The following PHF14 variants were observed in gnomAD, a reference collection of about 807,000 sequenced individuals.
The protein encoded by PHF14 is PHD finger protein 14.
PHF14 carries 55 observed loss-of-function variants against 117.9 expected under a neutral mutation model. That is an observed-to-expected ratio of 0.47 (90% CI 0.38 to 0.58). PHF14 has a LOEUF of 0.58. PHF14 is among the 20% of genes least tolerant of loss of function. The pLI, the probability that PHF14 is intolerant of heterozygous loss-of-function variation, is 0.00. For synonymous variants in PHF14, 409 were observed against 368.6 expected (o/e 1.11, Z -1.26); for missense variants, 978 against 1,122.2 (o/e 0.87, Z 1.84).
intron 4 of PHF14, among the ~76,000 whole-genome samples, chr7:10,996,361 G>A (rs1782645092): frequency 6.6e-6 from 1 of 152,180 alleles, no homozygotes; most frequent in South Asian, 2.1e-4. Context: ...GCCTGAAGAT[G>A]TTATGCAAAG....
chr7:11,105,417 A>G, intron 16 of PHF14: 1 of 959,640 alleles, frequency 1.0e-6, no homozygotes. Context: ...AAAACTCACC[A>G]CTATTTTACT....
At chr7:11,023,839 AAAAG>A (rs1783820290) in intron 6 of PHF14, among the ~76,000 whole-genome samples, 1 of 152,206 alleles carries the variant, frequency 6.6e-6, no homozygotes. Context: ...AAAAAAAAGA[AAAAG>A]AAATTTGGCC....
chr7:11,085,934 T>G (rs908428479), intron 16 of PHF14, among the ~76,000 whole-genome samples: 4 of 152,208 alleles, frequency 2.6e-5, no homozygotes, highest in African/African-American at 9.7e-5. Context: ...TGGAGCCTAG[T>G]TATTTGGGTT....
intron 17 of PHF14, among the ~76,000 whole-genome samples, chr7:11,133,485 A>G (rs1420442687): frequency 6.6e-6 from 1 of 151,940 alleles, no homozygotes; most frequent in African/African-American, 2.4e-5. Context: ...TTAATGCAAA[A>G]TGGTTGGGCA....
chr7:11,015,957 T>A (rs1196271119), intron 5 of PHF14, among the ~76,000 whole-genome samples: 1 of 152,126 alleles, frequency 6.6e-6, no homozygotes, highest in African/African-American at 2.4e-5. Flanking sequence ...TTACTGTTTT[T>A]CTTGTTGATA....
chr7:11,086,351 T>A (rs1786409029), intron 16 of PHF14, among the ~76,000 whole-genome samples: 1 of 152,186 alleles, frequency 6.6e-6, no homozygotes, highest in Non-Finnish European at 1.5e-5. Context: ...GACCTAAATT[T>A]AGATCATCGC....
chr7:11,039,876 A>T (rs115429899), intron 11 of PHF14, among the ~76,000 whole-genome samples: 1,981 of 152,214 alleles, frequency 0.013, 42 homozygotes, highest in African/African-American at 0.045. Flanking sequence ...TTGGAAGATT[A>T]TGTTTTATAC....
At chr7:11,126,255 C>G (rs1011590707) in intron 17 of PHF14, among the ~76,000 whole-genome samples, 4 of 152,032 alleles carry the variant, frequency 2.6e-5, no homozygotes, top group African/African-American at 9.7e-5. Flanking sequence ...ATCTTAATGA[C>G]TCAATTTAAA....
intron 17 of PHF14, among the ~76,000 whole-genome samples, chr7:11,168,899 A>G (rs1296803945): frequency 2.6e-5 from 4 of 152,144 alleles, no homozygotes; most frequent in African/African-American, 9.7e-5. Flanking sequence ...GCCACCACTT[A>G]GAATTGAAAC....
intron 16 of PHF14, among the ~76,000 whole-genome samples, chr7:11,089,174 A>G (rs1407330649): frequency 2.6e-5 from 4 of 152,190 alleles, no homozygotes; most frequent in African/African-American, 7.2e-5. Context: ...AGGAGCAACC[A>G]TTGAGTAGGG....
intron 4 of PHF14, among the ~76,000 whole-genome samples, chr7:10,996,059 G>A (rs1782635934): frequency 6.6e-6 from 1 of 152,360 alleles, no homozygotes; most frequent in South Asian, 2.1e-4. Context: ...AGCGAGGGCT[G>A]TGAGGGCTGC....
intron 4 of PHF14, among the ~76,000 whole-genome samples, chr7:11,004,850 A>T (rs1196984949): frequency 6.6e-6 from 1 of 152,032 alleles, no homozygotes; most frequent in Non-Finnish European, 1.5e-5. Context: ...AGCTTGGTCA[A>T]CATGGTGAAA....
At chr7:11,036,352 G>A (rs1280400479) in intron 8 of PHF14, 66 bp from the exon 9 acceptor site, 18 of 1,319,424 alleles carry the variant, frequency 1.4e-5, no homozygotes, top group Non-Finnish European at 1.9e-5. Flanking sequence ...AAAAATCAAT[G>A]TAAAAATCTT....
intron 4 of PHF14, chr7:11,006,502 C>G (rs879569420): frequency 1.8e-6 from 1 of 557,070 alleles, no homozygotes; most frequent in Non-Finnish European, 3.5e-6. Context: ...GGTGTTGACA[C>G]CTTGGCCACA....
chr7:11,083,723 G>A (rs1183125391), intron 16 of PHF14, among the ~76,000 whole-genome samples: 1 of 152,012 alleles, frequency 6.6e-6, no homozygotes, highest in African/African-American at 2.4e-5. Flanking sequence ...GCCTCCCAAA[G>A]TGCTAGGAGT....
chr7:11,144,214 C>G (rs533730390), intron 17 of PHF14, among the ~76,000 whole-genome samples: 1 of 152,030 alleles, frequency 6.6e-6, no homozygotes, highest in South Asian at 2.1e-4. Flanking sequence ...CAAAAAATAG[C>G]AAATGGTAGC....
At chr7:11,151,746 CT>C (rs894105818) in intron 17 of PHF14, among the ~76,000 whole-genome samples, 1 of 152,072 alleles carries the variant, frequency 6.6e-6, no homozygotes, top group African/African-American at 2.4e-5. Flanking sequence ...TGTGATTCTT[CT>C]TCTTACAAAT....
rs1784018455 is a variant in PHF14 at position 11,028,837 on chromosome 7, A to G, written c.1455+19A>G. The G allele has an allele frequency of 8.7e-6, 14 of 1,608,412 alleles. No individual in the cohort carries two copies. Among genetic ancestry groups the G allele is most frequent in the Non-Finnish European group, 1.1e-5 (13 of 1,175,522 alleles). On this transcript the variant is annotated intron_variant, in intron 7 of 17. Transcript: ENST00000634607. ...GGAAGAGGTAGGTTTATTTAAACCC[A>G]TAGTTGGTGAACATGTTCACAAGAT...
intron 17 of PHF14, among the ~76,000 whole-genome samples, chr7:11,128,646 T>C (rs1788002411): frequency 6.6e-6 from 1 of 151,832 alleles, no homozygotes; most frequent in Non-Finnish European, 1.5e-5. Context: ...CAAGGCCATA[T>C]ATAATCTAGA....
Sources: allele counts gnomAD v4.1 joint callset (sites outside exome capture counted in the v4.1 genomes callset), GRCh38; gene constraint gnomAD v4.1.1; transcripts MANE v1.5; gene names NCBI Gene and HGNC (gene_info 2026-07-23, HGNC 2026-07-21).